PTPRD: variants seen among roughly 807,000 people sequenced by gnomAD.
PTPRD encodes protein tyrosine phosphatase receptor type D, also known as receptor-type tyrosine-protein phosphatase delta.
Under a neutral mutation model 214.5 loss-of-function variants are expected in PTPRD, and 34 were observed. The observed-to-expected ratio is 0.16, with a 90% CI of 0.12 to 0.21. PTPRD has a LOEUF of 0.21. PTPRD is among the 10% of genes least tolerant of loss of function. The pLI is 1.00. For missense variants in PTPRD, 2,545 were observed against 2,398.7 expected (o/e 1.06, Z -1.27); for synonymous variants, 1,128 against 845.7 (o/e 1.33, Z -5.79).
At chr9:9,684,595 T>A (rs754253296) in intron 7 of PTPRD, among the ~76,000 whole-genome samples, 6 of 151,662 alleles carry the variant, frequency 4.0e-5, no homozygotes, top group Non-Finnish European at 7.4e-5. Flanking sequence ...AGGCAGGAAC[T>A]TCCTTCTTAA....
chr9:10,328,317 T>C (rs1344712353), intron 3 of PTPRD, among the ~76,000 whole-genome samples: 1 of 151,816 alleles, frequency 6.6e-6, no homozygotes, highest in Non-Finnish European at 1.5e-5. Flanking sequence ...TCATGTGTAT[T>C]GAATTACACC....
At chr9:8,526,431 A>G (rs2074165225) in intron 17 of PTPRD, among the ~76,000 whole-genome samples, 196 bp downstream of exon 17, 1 of 152,060 alleles carries the variant, frequency 6.6e-6, no homozygotes, top group African/African-American at 2.4e-5. Flanking sequence ...GAAATGAACA[A>G]AACAAAGAGA....
intron 6 of PTPRD, among the ~76,000 whole-genome samples, chr9:9,750,767 CT>C (rs2098509900): frequency 6.6e-6 from 1 of 152,048 alleles, no homozygotes; most frequent in South Asian, 2.1e-4. Context: ...GGACTCAGGG[CT>C]TAATGGGAAC....
At chr9:8,337,874 T>A (rs184790210) in intron 43 of PTPRD, among the ~76,000 whole-genome samples, 7 of 141,102 alleles carry the variant, frequency 5.0e-5, no homozygotes, top group South Asian at 2.2e-4. Context: ...AAGAGCACTA[T>A]TTTTTTTTTT....
intron 5 of PTPRD, among the ~76,000 whole-genome samples, chr9:9,880,442 C>A (rs530833540): frequency 6.6e-6 from 1 of 152,032 alleles, no homozygotes; most frequent in Non-Finnish European, 1.5e-5. Flanking sequence ...TTTAGAATTT[C>A]AAAAATCAGA....
rs57835929 is a variant in PTPRD at position 9,616,263 on chromosome 9, C to A, written c.-286-41482G>T. 6.2e-3 allele frequency among the ~76,000 whole-genome samples: 949 copies of A among 152,218 alleles called. 9 individuals carry two copies. The highest frequency in any genetic ancestry group is 0.022 in the African/African-American group (912 of 41,542). The stretch of plus-strand genomic sequence containing the variant: ...TCCCAAGTAATACAGTGACACCCCC[C>A]AAAATTATTTTTTGTTTACCTAAAA... On this transcript the variant is annotated intron_variant, in intron 7 of 45. Coordinates refer to ENST00000381196, the MANE Select transcript of PTPRD (RefSeq NM_002839.4).
intron 11 of PTPRD, among the ~76,000 whole-genome samples, chr9:8,785,541 C>T (rs1253965100): frequency 6.6e-6 from 1 of 152,176 alleles, no homozygotes; most frequent in East Asian, 1.9e-4. Flanking sequence ...TGCTTCCTGC[C>T]AGCCCCTCTG....
chr9:10,523,654 GAGAAA>G (rs2053273424), intron 2 of PTPRD, among the ~76,000 whole-genome samples: 2 of 116,822 alleles, frequency 1.7e-5, no homozygotes, highest in Non-Finnish European at 3.7e-5. Flanking sequence ...GAGAGAGAGA[GAGAAA>G]TAAAGAGAGA....
At chr9:9,790,635 CAAAG>C (rs1172668385) in intron 5 of PTPRD, among the ~76,000 whole-genome samples, 1 of 152,070 alleles carries the variant, frequency 6.6e-6, no homozygotes, top group Non-Finnish European at 1.5e-5. Flanking sequence ...AAATCCATAA[CAAAG>C]AAAAATAACA....
chr9:9,363,781 G>A (rs3904503), intron 9 of PTPRD, among the ~76,000 whole-genome samples: 134 of 151,400 alleles, frequency 8.9e-4, no homozygotes, highest in African/African-American at 3.0e-3. Flanking sequence ...AGAAACCATC[G>A]ATATATTTTT....
intron 2 of PTPRD, among the ~76,000 whole-genome samples, chr9:10,508,403 C>T (rs2133623987): frequency 6.6e-6 from 1 of 152,274 alleles, no homozygotes; most frequent in Admixed American, 6.5e-5. Flanking sequence ...CCTCAGGGAT[C>T]TAGAACTAGA....
intron 11 of PTPRD, among the ~76,000 whole-genome samples, chr9:8,747,417 A>G (rs1342256837): frequency 6.6e-6 from 1 of 152,186 alleles, no homozygotes; most frequent in Non-Finnish European, 1.5e-5. Context: ...GGAAGCCATT[A>G]GGATATTACT....
At chr9:8,394,315 C>T (rs1021420118) in intron 36 of PTPRD, among the ~76,000 whole-genome samples, 8 of 151,952 alleles carry the variant, frequency 5.3e-5, no homozygotes, top group African/African-American at 1.9e-4. Context: ...AGCCTTAAGT[C>T]CTGATATTAA....
chr9:8,754,930 G>A (rs890171718), intron 11 of PTPRD, among the ~76,000 whole-genome samples: 2 of 152,048 alleles, frequency 1.3e-5, no homozygotes, highest in Non-Finnish European at 2.9e-5. Flanking sequence ...AGATAACCCA[G>A]ATGGTCACTG....
intron 8 of PTPRD, among the ~76,000 whole-genome samples, chr9:9,559,192 C>T (rs990212249): frequency 1.3e-5 from 2 of 152,226 alleles, no homozygotes; most frequent in Middle Eastern, 3.4e-3. Context: ...CATCAACACA[C>T]CCATCCCGCT....
chr9:10,401,198 T>C (rs1587320130), intron 2 of PTPRD, among the ~76,000 whole-genome samples: 2 of 151,738 alleles, frequency 1.3e-5, no homozygotes, highest in Non-Finnish European at 1.5e-5. Context: ...TGTTCAATTT[T>C]GCCTAAAACA....
At chr9:8,468,663 T>C (rs1366392191) in intron 31 of PTPRD, among the ~76,000 whole-genome samples, 8 of 151,910 alleles carry the variant, frequency 5.3e-5, no homozygotes, top group Non-Finnish European at 1.2e-4. Flanking sequence ...ATGATATGGT[T>C]CCAACAATTT....
chr9:9,081,475 A>AT (rs1423345796), intron 10 of PTPRD, among the ~76,000 whole-genome samples: 1 of 152,064 alleles, frequency 6.6e-6, no homozygotes, highest in Non-Finnish European at 1.5e-5. Flanking sequence ...TATTCTGTTG[A>AT]TTTTGGGTGG....
At chr9:10,122,142 T>C (rs1183342757) in intron 3 of PTPRD, among the ~76,000 whole-genome samples, 1 of 152,102 alleles carries the variant, frequency 6.6e-6, no homozygotes, top group African/African-American at 2.4e-5. Context: ...TCCCCATCTC[T>C]ACTAAAAATA....
Sources: gnomAD v4.1 joint callset for allele counts (sites outside exome capture counted in the v4.1 genomes callset) on GRCh38, gnomAD v4.1.1 for gene constraint, MANE v1.5 for transcripts, NCBI Gene and HGNC (gene_info 2026-07-23, HGNC 2026-07-21) for gene names.